The following FAM234B variants were observed in gnomAD, a reference collection of about 807,000 sequenced individuals.
The protein encoded by FAM234B is family with sequence similarity 234 member B.
A neutral mutation model predicts 69.3 loss-of-function variants in FAM234B; 33 were observed. The observed-to-expected ratio is 0.48, with a 90% CI of 0.36 to 0.64. The LOEUF (loss-of-function observed/expected upper bound fraction) is 0.64. Among genes scored for constraint, FAM234B ranks in the 30% least tolerant of loss-of-function variants. The pLI, the probability that FAM234B is intolerant of heterozygous loss-of-function variation, is 0.00. For synonymous variants in FAM234B, 306 were observed against 306.9 expected, an observed-to-expected ratio of 1.00 and a Z score of 0.03; for missense variants, 697 against 769.7, an observed-to-expected ratio of 0.91 and a Z score of 1.12.
At position 13,062,933 on chromosome 12, in the gene FAM234B, C is replaced by T. The variant is rs146598933; in HGVS notation, c.810C>T (p.Asp270=). The T allele has an allele frequency of 3.7e-4, 592 of 1,613,884 alleles. No homozygotes were observed. The highest frequency in any genetic ancestry group is 4.6e-4 in the Non-Finnish European group (539 of 1,179,914). ...PVVVLPDLDE[D]GVRDLVVLAI... ...TGGTACTGCCAGACTTGGATGAAGA[C>T]GGTGTTCGAGACCTTGTGGTTCTGG... Residue 270 remains aspartate (D), a synonymous_variant, in exon 5 of 13, where the codon GAC becomes GAT. Transcript: ENST00000197268.
At chr12:13,048,907 G>C (rs553471294) in intron 1 of FAM234B, among the ~76,000 whole-genome samples, 5 of 152,170 alleles carry the variant, frequency 3.3e-5, no homozygotes, top group Admixed American at 6.5e-5. Context: ...GCGAAACAGG[G>C]TTCCCCTTGT....
At chr12:13,080,526 G>T in intron 12 of FAM234B, 99 bp from the exon 13 acceptor site, 2 of 979,630 alleles carry the variant, frequency 2.0e-6, no homozygotes, top group Non-Finnish European at 3.2e-6. Flanking sequence ...AGAAAAGGAC[G>T]GGAAAATAGA....
intron 2 of FAM234B, among the ~76,000 whole-genome samples, chr12:13,057,166 C>T (rs549668100): frequency 5.8e-4 from 88 of 151,996 alleles, no homozygotes; most frequent in South Asian, 1.5e-3. Context: ...TCAGTAGAGA[C>T]GGGGTTTTGC....
At chr12:13,056,877 A>G (rs1185320786) in intron 2 of FAM234B, among the ~76,000 whole-genome samples, 1 of 152,004 alleles carries the variant, frequency 6.6e-6, no homozygotes, top group African/African-American at 2.4e-5. Flanking sequence ...TTTTTCTGTA[A>G]AGTTTTACCA....
At chr12:13,047,921 C>T (rs1231342627) in intron 1 of FAM234B, among the ~76,000 whole-genome samples, 1 of 152,084 alleles carries the variant, frequency 6.6e-6, no homozygotes, top group Non-Finnish European at 1.5e-5. Context: ...CTCTTATTGT[C>T]TTTCTGTAAA....
intron 1 of FAM234B, among the ~76,000 whole-genome samples, chr12:13,048,501 C>CCA (rs199909760): frequency 6.6e-6 from 1 of 151,804 alleles, no homozygotes; most frequent in Non-Finnish European, 1.5e-5. Flanking sequence ...GCTTTTGGTT[C>CCA]TTTTCTGTTT....
At chr12:13,046,866 A>G (rs1197759184) in intron 1 of FAM234B, among the ~76,000 whole-genome samples, 2 of 152,198 alleles carry the variant, frequency 1.3e-5, no homozygotes, top group Non-Finnish European at 2.9e-5. Context: ...TAGTTACTTA[A>G]TCTCTTTAAG....
At chr12:13,064,744 C>G (rs1407279818) in intron 5 of FAM234B, among the ~76,000 whole-genome samples, 1 of 152,178 alleles carries the variant, frequency 6.6e-6, no homozygotes, top group Non-Finnish European at 1.5e-5. Context: ...CATCCTTGTA[C>G]TGACCTCTTT....
chr12:13,053,697 G>A (rs1450560746), intron 1 of FAM234B, among the ~76,000 whole-genome samples: 1 of 152,174 alleles, frequency 6.6e-6, no homozygotes, highest in African/African-American at 2.4e-5. Flanking sequence ...GTATTGTCTT[G>A]ATAAACATCT....
chr12:13,064,651 G>A (rs1865018366), intron 5 of FAM234B, among the ~76,000 whole-genome samples: 1 of 152,138 alleles, frequency 6.6e-6, no homozygotes, highest in Non-Finnish European at 1.5e-5. Context: ...TACAGCTAGG[G>A]CATAGTCTCA....
chr12:13,079,077 A>G (rs1024995508), intron 11 of FAM234B, among the ~76,000 whole-genome samples: 2 of 152,166 alleles, frequency 1.3e-5, no homozygotes, highest in Non-Finnish European at 2.9e-5. Context: ...AGCCCGTATC[A>G]CCAAGTCAAT....
rs769794965 is a variant in FAM234B, at chr12:13,068,283, T to C, written c.1143-21T>C. 8.2e-5 allele frequency: 133 copies of C among 1,613,792 alleles called. No individual in the cohort carries two copies. In the Admixed American group the frequency reaches 1.8e-3, roughly 22 times the overall value. ...TCTCATCCAAGCCAGAGACTAACCG[T>C]TGGGGTCTTATTTAACCCAGTGATG... is the stretch of plus-strand genomic sequence containing the variant. On this transcript the variant is annotated intron_variant, in intron 7 of 12. Transcript: ENST00000197268.
intron 2 of FAM234B, among the ~76,000 whole-genome samples, chr12:13,056,766 C>T (rs553467289): frequency 2.6e-5 from 4 of 152,250 alleles, no homozygotes; most frequent in African/African-American, 7.2e-5. Flanking sequence ...AGAAATAGAA[C>T]ATCATTGAGA....
chr12:13,074,219 GA>G (rs1475930572), intron 10 of FAM234B, among the ~76,000 whole-genome samples: 1 of 152,132 alleles, frequency 6.6e-6, no homozygotes, highest in African/African-American at 2.4e-5. Flanking sequence ...GCATTTCCAT[GA>G]ACTTTTTGAA....
intron 1 of FAM234B, among the ~76,000 whole-genome samples, chr12:13,047,613 A>G (rs1441700782): frequency 6.6e-6 from 1 of 152,204 alleles, no homozygotes; most frequent in Non-Finnish European, 1.5e-5. Context: ...TTTAAGCAGC[A>G]TCTTCAGTCT....
At chr12:13,057,835 A>G (rs1283446619) in intron 2 of FAM234B, among the ~76,000 whole-genome samples, 1 of 152,166 alleles carries the variant, frequency 6.6e-6, no homozygotes, top group Non-Finnish European at 1.5e-5. Context: ...GTCCTGCTAG[A>G]TGAGGATGAC....
intron 1 of FAM234B, among the ~76,000 whole-genome samples, chr12:13,051,745 G>A (rs1864879057): frequency 6.6e-6 from 1 of 152,180 alleles, no homozygotes; most frequent in Non-Finnish European, 1.5e-5. Flanking sequence ...GCTTCTTTAA[G>A]TAATGGGTTG....
At chr12:13,058,978 C>T (rs1282970510) in intron 3 of FAM234B, among the ~76,000 whole-genome samples, 1 of 152,226 alleles carries the variant, frequency 6.6e-6, no homozygotes, top group African/African-American at 2.4e-5. Flanking sequence ...TACACAAATA[C>T]CTCTTGGCCG....
rs1390644396 is a variant in FAM234B, at chr12:13,067,427, A to T, written c.1142+131A>T. 1.1e-6 allele frequency: 1 copy of T among 926,802 alleles called. No individual in the cohort carries two copies. The highest frequency in any genetic ancestry group is 1.6e-6 in the Non-Finnish European group (1 of 607,956). The allele number at this position is 926,802 out of a possible 1,614,324, so 57.4% of individuals were successfully genotyped here. A position where few individuals can be genotyped will look rare whatever the true frequency, so the allele number is the denominator to read the frequency against. On this transcript the variant is annotated intron_variant, in intron 7 of 12. Coordinates refer to ENST00000197268, the MANE Select transcript of FAM234B (RefSeq NM_020853.2). The surrounding 1 kb of genome is among the most constrained non-coding windows in gnomAD (Gnocchi z 4.7). ...GGGGAAACAGTGCTTATCTTAATTT[A>T]CCATCTTCTGATCTGGTTAACATGA...
Sources: allele counts gnomAD v4.1 joint callset (sites outside exome capture counted in the v4.1 genomes callset), GRCh38; gene constraint gnomAD v4.1.1; non-coding constraint Gnocchi (gnomAD v3.1); transcripts MANE v1.5; gene names NCBI Gene and HGNC (gene_info 2026-07-23, HGNC 2026-07-21).